Variants in TAF2 observed in about 807,000 individuals in gnomAD.
The protein encoded by TAF2 is TATA-box binding protein associated factor 2.
Under a neutral mutation model 138.5 loss-of-function variants are expected in TAF2, and 61 were observed. That is an observed-to-expected ratio of 0.44 (90% CI 0.36 to 0.54). The LOEUF (loss-of-function observed/expected upper bound fraction) is 0.54, where lower values mean the gene tolerates loss of function less well. Ranked by LOEUF, TAF2 falls within the 20% of genes least tolerant of loss-of-function variation. The pLI, the probability that TAF2 is intolerant of heterozygous loss-of-function variation, is 0.00. For missense variants in TAF2, 1,090 were observed against 1,427.9 expected (o/e 0.76, Z 3.81); for synonymous variants, 475 against 469.9 (o/e 1.01, Z -0.14).
intron 2 of TAF2, among the ~76,000 whole-genome samples, chr8:119,831,191 G>A (rs1826422555): frequency 6.6e-6 from 1 of 152,144 alleles, no homozygotes; most frequent in Non-Finnish European, 1.5e-5. Context: ...CATCTAAATT[G>A]TGTCGGGAGG....
chr8:119,781,153 G>C lies in TAF2; in HGVS notation c.2153C>G (p.Ala718Gly), dbSNP rs746768342. 1.4e-5 allele frequency: 22 copies of C among 1,613,968 alleles called. No individual in the cohort carries two copies. Residue 718 changes from alanine to glycine, a missense_variant, in exon 17 of 26, where the codon GCC (alanine) becomes GGC (glycine). Coordinates refer to ENST00000378164, the MANE Select transcript of TAF2 (RefSeq NM_003184.4). ...SMVSTWTGPPAMKSLFTRMFC... is the reference protein window; with the variant it reads ...SMVSTWTGPPGMKSLFTRMFC... ...CATCCTAGTGAAGAGTGACTTCATG[G>C]CTGGTGGTCCTGTCCATGTGCTCAC...
intron 11 of TAF2, 90 bp downstream of exon 11, chr8:119,791,233 TG>T: frequency 6.8e-7 from 1 of 1,471,628 alleles, no homozygotes; most frequent in South Asian, 1.2e-5. Context: ...TAAATCCAGA[TG>T]TCCTGACTCC....
intron 2 of TAF2, among the ~76,000 whole-genome samples, chr8:119,820,591 G>A (rs1586539660): frequency 6.6e-6 from 1 of 152,186 alleles, no homozygotes; most frequent in Non-Finnish European, 1.5e-5. Context: ...GTAATAAGTA[G>A]AGACTAGAGA....
At chr8:119,798,322 G>T (rs1418568522) in intron 6 of TAF2, among the ~76,000 whole-genome samples, 1 of 152,144 alleles carries the variant, frequency 6.6e-6, no homozygotes, top group East Asian at 1.9e-4. Context: ...ACCAAAGACT[G>T]CAGAAAAGTT....
At chr8:119,815,338 G>T (rs1191228330) in intron 3 of TAF2, among the ~76,000 whole-genome samples, 1 of 151,256 alleles carries the variant, frequency 6.6e-6, no homozygotes, top group Non-Finnish European at 1.5e-5. Context: ...GCAGTGGCTG[G>T]ATCTCTGCTC....
intron 25 of TAF2, among the ~76,000 whole-genome samples, chr8:119,734,142 G>A (rs1255447488): frequency 6.6e-6 from 1 of 152,098 alleles, no homozygotes; most frequent in Non-Finnish European, 1.5e-5. Flanking sequence ...TCCAGGCTGG[G>A]AAACCCTGCT....
intron 3 of TAF2, among the ~76,000 whole-genome samples, chr8:119,818,235 T>C (rs1305742477): frequency 1.3e-5 from 2 of 152,238 alleles, no homozygotes; most frequent in Non-Finnish European, 2.9e-5. Flanking sequence ...CCACAATTTC[T>C]GATTCAGTGG....
chr8:119,822,159 T>C (rs56180159), intron 2 of TAF2, among the ~76,000 whole-genome samples: 40,105 of 151,934 alleles, frequency 0.26, 5,967 homozygotes, highest in African/African-American at 0.4. Context: ...TCATCCTTTA[T>C]GCTTCTTCAT....
rs1040279926 is a variant in TAF2, at chr8:119,803,902, G to C, written c.536C>G (p.Ser179Cys). The change falls in exon 5 of 26, where the codon TCT becomes TGT. Residue 179 changes from serine to cysteine, a missense_variant. Ser to Cys is a moderately radical substitution (Grantham distance 112). This residue lies in a region of TAF2 where 504 missense variants were observed against 680.9 expected (regional missense o/e 0.74). Transcript: ENST00000378164. ...SMAERGAHVF[S>C]CGYQNSTRFW... ...CCTTGTAGAATTTTGATACCCACAA[G>C]AGAAAACATGAGCACCTCTCTCTGC... The C allele has an allele frequency of 1.9e-6, 3 of 1,613,888 alleles. No homozygotes were observed. Among genetic ancestry groups the C allele is most frequent in the Non-Finnish European group, 2.5e-6 (3 of 1,179,942 alleles).
chr8:119,769,324 C>T (rs531914875), intron 18 of TAF2, among the ~76,000 whole-genome samples: 1 of 152,176 alleles, frequency 6.6e-6, no homozygotes, highest in East Asian at 1.9e-4. Flanking sequence ...AGAGTCCCAT[C>T]CAAACGAAAG....
intron 15 of TAF2, among the ~76,000 whole-genome samples, chr8:119,784,301 C>A (rs1245240994): frequency 6.6e-6 from 1 of 152,082 alleles, no homozygotes; most frequent in Non-Finnish European, 1.5e-5. Flanking sequence ...ATGTCTGTAA[C>A]CCCAGCACTT....
intron 23 of TAF2, 80 bp downstream of exon 23, chr8:119,746,625 C>G: frequency 1.4e-6 from 2 of 1,437,420 alleles, no homozygotes; most frequent in Non-Finnish European, 2.0e-6. Context: ...ATAAAATTCA[C>G]TAGTTCACAG....
chr8:119,781,234 G>A (rs1442660706), intron 16 of TAF2, 41 bp from the exon 17 acceptor site: 3 of 1,610,508 alleles, frequency 1.9e-6, no homozygotes, highest in Admixed American at 1.7e-5. Context: ...CATTACCAAT[G>A]CAAACATACT....
intron 16 of TAF2, among the ~76,000 whole-genome samples, chr8:119,781,753 T>C (rs551639641): frequency 6.6e-6 from 1 of 152,122 alleles, no homozygotes; most frequent in African/African-American, 2.4e-5. Context: ...TATGGTGCGA[T>C]CATGGCTCAC....
Position 119,759,822 on chromosome 8 carries a change from A to C in TAF2, c.2698+777T>G, listed in dbSNP as rs373290358. Among the ~76,000 whole-genome samples, 12 of 152,222 alleles carry C rather than the reference A, an allele frequency of 7.9e-5. No individual in the cohort carries two copies. The South Asian group carries it at 2.5e-3, about 32-fold the overall frequency. ...GAGCAACAACTTTGGCAAAGCAGAA[A>C]ATCTTGGGTCATAATTTTCCCTAAA... On this transcript the variant is annotated intron_variant, in intron 20 of 25. Transcript: ENST00000378164.
At chr8:119,761,037 T>C (rs1821030619) in intron 19 of TAF2, among the ~76,000 whole-genome samples, 1 of 152,192 alleles carries the variant, frequency 6.6e-6, no homozygotes. Context: ...TAGTGTACAA[T>C]AATAATGTCC....
intron 25 of TAF2, 93 bp from the exon 26 acceptor site, chr8:119,732,279 G>T: frequency 1.7e-6 from 2 of 1,202,882 alleles, no homozygotes; most frequent in Non-Finnish European, 2.4e-6. Context: ...TGTAAAGAGG[G>T]ATTCCTAAGT....
chr8:119,791,624 T>C, intron 10 of TAF2, 165 bp from the exon 11 acceptor site: 2 of 731,574 alleles, frequency 2.7e-6, no homozygotes, highest in Non-Finnish European at 4.2e-6. Flanking sequence ...TAGAAGAAAA[T>C]TATGAAGTTT....
At chr8:119,774,600 ATCCCTGATT>A (rs1822092745) in intron 18 of TAF2, among the ~76,000 whole-genome samples, 1 of 151,958 alleles carries the variant, frequency 6.6e-6, no homozygotes, top group South Asian at 2.1e-4. Flanking sequence ...AAGATTGGAC[ATCCCTGATT>A]TACACGGAGA....
Sources: gnomAD v4.1 joint callset for allele counts (sites outside exome capture counted in the v4.1 genomes callset) on GRCh38, gnomAD v4.1.1 for gene constraint, gnomAD v4.1.1 regional missense constraint, MANE v1.5 for transcripts, NCBI Gene and HGNC (gene_info 2026-07-23, HGNC 2026-07-21) for gene names.